The following FYTTD1 variants were observed in gnomAD, a reference collection of about 807,000 sequenced individuals.
FYTTD1 encodes forty-two-three domain containing 1, also known as UAP56-interacting factor.
A neutral mutation model predicts 40.9 loss-of-function variants in FYTTD1; 22 were observed. That is an observed-to-expected ratio of 0.54 (90% CI 0.38 to 0.77). FYTTD1 has a LOEUF of 0.77. Ranked by LOEUF, FYTTD1 falls within the 30% of genes least tolerant of loss-of-function variation. The pLI is 0.00. For missense variants in FYTTD1, 351 were observed against 392.2 expected (o/e 0.90, Z 0.89); for synonymous variants, 140 against 137.9 (o/e 1.01, Z -0.10).
chr3:197,767,565 A>T (rs1729589115), intron 2 of FYTTD1, among the ~76,000 whole-genome samples: 1 of 151,370 alleles, frequency 6.6e-6, no homozygotes, highest in African/African-American at 2.4e-5. Flanking sequence ...CCTGGGCTCA[A>T]GCAATCCTCT....
intron 6 of FYTTD1, 82 bp downstream of exon 6, chr3:197,774,292 A>G (rs1317285161): frequency 8.6e-7 from 1 of 1,157,338 alleles, no homozygotes; most frequent in Non-Finnish European, 1.3e-6. Flanking sequence ...ACCTCAGTCC[A>G]GAAGAAATTA....
intron 3 of FYTTD1, among the ~76,000 whole-genome samples, chr3:197,769,129 C>T (rs1729636157): frequency 6.6e-6 from 1 of 151,364 alleles, no homozygotes; most frequent in African/African-American, 2.4e-5. Context: ...GCTCTGTCGC[C>T]CAGGCTGGAG....
chr3:197,761,820 G>C (rs1171398470), intron 2 of FYTTD1, among the ~76,000 whole-genome samples: 1 of 152,214 alleles, frequency 6.6e-6, no homozygotes, highest in Admixed American at 6.5e-5. Context: ...AAAGTAGATT[G>C]AATGCAAAAG....
intron 2 of FYTTD1, 59 bp from the exon 3 acceptor site, chr3:197,768,380 G>C: frequency 7.8e-7 from 1 of 1,282,780 alleles, no homozygotes; most frequent in Admixed American, 2.1e-5. Context: ...AGAATATCCT[G>C]TGACCGTCCC....
chr3:197,751,865 A>T (rs987950180), intron 1 of FYTTD1, among the ~76,000 whole-genome samples: 7 of 152,076 alleles, frequency 4.6e-5, no homozygotes. Flanking sequence ...GCATTAAATT[A>T]AATTAATTAA....
upstream of FYTTD1, chr3:197,749,540 T>G: frequency 7.7e-7 from 1 of 1,291,036 alleles, no homozygotes; most frequent in Non-Finnish European, 1.0e-6. Flanking sequence ...CGAGGCTGCG[T>G]TGCGGTGGGC....
chr3:197,778,090 G>A (rs1729926209), intron 7 of FYTTD1, among the ~76,000 whole-genome samples: 2 of 152,224 alleles, frequency 1.3e-5, no homozygotes, highest in African/African-American at 4.8e-5. Flanking sequence ...TATTTTAATG[G>A]AAGATCAAGA....
chr3:197,785,977 T>C lies in FYTTD1; in HGVS notation c.*4068T>C, dbSNP rs2109059964. The C allele has an allele frequency of 6.6e-6, 1 of 151,898 alleles. No individual in the cohort carries two copies. The highest frequency in any genetic ancestry group is 2.4e-5 in the African/African-American group (1 of 41,504). 9.4% of individuals were successfully genotyped at this position (151,898 alleles called of 1,614,324 possible). ...AAATGATACTTCAGTAAACACAGCA[T>C]TTACAACAAGAATTGTGGACTATGG... On this transcript the variant is annotated 3_prime_UTR_variant, in exon 9 of 9. Transcript: ENST00000241502.
intron 2 of FYTTD1, among the ~76,000 whole-genome samples, chr3:197,766,429 TG>T (rs1259622733): frequency 1.1e-4 from 2 of 17,476 alleles, no homozygotes; most frequent in African/African-American, 3.2e-4. Flanking sequence ...TGTTTGAGAC[TG>T]GTGTGTGTGT....
intron 8 of FYTTD1, among the ~76,000 whole-genome samples, chr3:197,780,803 A>G (rs1580472515): frequency 6.6e-6 from 1 of 151,798 alleles, no homozygotes; most frequent in South Asian, 2.1e-4. Context: ...TTGGCCTCCC[A>G]AAGTGCTGGG....
chr3:197,780,335 C>T (rs1346595596), intron 8 of FYTTD1, among the ~76,000 whole-genome samples: 1 of 152,088 alleles, frequency 6.6e-6, no homozygotes, highest in Non-Finnish European at 1.5e-5. Flanking sequence ...GGCTGGCCAG[C>T]TTAGGATTTT....
intron 1 of FYTTD1, 89 bp downstream of exon 1, chr3:197,750,163 C>CA (rs1048822236): frequency 8.8e-6 from 9 of 1,021,152 alleles, no homozygotes; most frequent in Non-Finnish European, 1.2e-5. Flanking sequence ...GGGCGGTCGG[C>CA]AGCAGTTGCC....
chr3:197,750,765 GGGA>G, intron 1 of FYTTD1: 1 of 985,524 alleles, frequency 1.0e-6, no homozygotes, highest in South Asian at 4.7e-5. Context: ...TAGCTAATGG[GGGA>G]GAAAGCAAAC....
At chr3:197,760,484 C>CTTCAGGGGTAGAATGTATAGAGTTG (rs1729349219) in intron 2 of FYTTD1, among the ~76,000 whole-genome samples, 1 of 150,106 alleles carries the variant, frequency 6.7e-6, no homozygotes, top group Non-Finnish European at 1.5e-5. Flanking sequence ...GTATAGAGTT[C>CTTCAGGGGTAGAATGTATAGAGTTG]TTCAGGGGTA....
At chr3:197,753,438 C>T (rs1466881165) in intron 1 of FYTTD1, among the ~76,000 whole-genome samples, 1 of 152,072 alleles carries the variant, frequency 6.6e-6, no homozygotes, top group African/African-American at 2.4e-5. Context: ...TAGTACTTAC[C>T]ACCACCACTG....
In FYTTD1 at chr3:197,785,162, A is replaced by G. The variant is rs999734683; in HGVS notation, c.*3253A>G. 16 of 152,252 alleles carry G rather than the reference A, an allele frequency of 1.1e-4. No homozygotes were observed. The highest frequency in any genetic ancestry group is 3.9e-4 in the African/African-American group (16 of 41,462). The allele number at this position is 152,252 out of a possible 1,614,324, so 9.4% of individuals were successfully genotyped here. A position where few individuals can be genotyped will look rare whatever the true frequency, so the allele number is the denominator to read the frequency against. Reference sequence around the variant, plus strand: ...TTAGGTAGACCTGTTAGAAAAGTCCAGTGTTCCTAATCAGATATGCATTTT... The same window carrying G: ...TTAGGTAGACCTGTTAGAAAAGTCCGGTGTTCCTAATCAGATATGCATTTT... On this transcript the variant is annotated 3_prime_UTR_variant, in exon 9 of 9. Coordinates refer to ENST00000241502, the MANE Select transcript of FYTTD1 (RefSeq NM_032288.7).
At chr3:197,758,861 G>C (rs1213775005) in intron 2 of FYTTD1, among the ~76,000 whole-genome samples, 1 of 152,250 alleles carries the variant, frequency 6.6e-6, no homozygotes, top group African/African-American at 2.4e-5. Flanking sequence ...AAGTAGGACA[G>C]AGGAGCTCTT....
intron 1 of FYTTD1, 78 bp downstream of exon 1, chr3:197,750,152 G>C: frequency 8.9e-7 from 1 of 1,127,852 alleles, no homozygotes. Context: ...TGTGGGGGCA[G>C]GGGCGGTCGG....
chr3:197,764,881 T>C (rs1270726389), intron 2 of FYTTD1, among the ~76,000 whole-genome samples: 3 of 151,338 alleles, frequency 2.0e-5, no homozygotes, highest in Non-Finnish European at 3.0e-5. Flanking sequence ...GATGGAGTCT[T>C]GCCCTGTCAC....
Sources: gnomAD v4.1 joint callset for allele counts (sites outside exome capture counted in the v4.1 genomes callset) on GRCh38, gnomAD v4.1.1 for gene constraint, MANE v1.5 for transcripts, NCBI Gene and HGNC (gene_info 2026-07-23, HGNC 2026-07-21) for gene names.